The following TNS2 variants were observed in gnomAD, a reference collection of about 807,000 sequenced individuals.
The protein encoded by TNS2 is tensin 2.
In TNS2, 77 loss-of-function variants were observed where a neutral mutation model predicts 155.7. The observed-to-expected ratio is 0.49, with a 90% confidence interval of 0.41 to 0.60. TNS2 has a LOEUF of 0.60. Ranked by LOEUF, TNS2 falls within the 20% of genes least tolerant of loss-of-function variation. The pLI, the probability that TNS2 is intolerant of heterozygous loss-of-function variation, is 0.00. For synonymous variants in TNS2, 726 were observed against 763.9 expected (o/e 0.95, Z 0.82); for missense variants, 1,703 against 1,868.8 (o/e 0.91, Z 1.64).
At position 53,063,492 on chromosome 12, in the gene TNS2, G is replaced by GC. The variant is rs1944449691; in HGVS notation, c.4062-67dup. The GC allele has an allele frequency of 1.1e-5, 12 of 1,095,688 alleles. No homozygotes were observed. The highest frequency in any genetic ancestry group is 1.9e-5 in the Admixed American group (1 of 53,712). The allele number at this position is 1,095,688 out of a possible 1,614,324, so 67.9% of individuals were successfully genotyped here. ...GTCCCAGCTCCCAGCCCCAGCCCCA[G>GC]CCCCGGCCCCGGCCCCCCTTCAGCA... On this transcript the variant is annotated intron_variant, in intron 27 of 28. Transcript: ENST00000314250. This position sits in a 1 kb window ranked among gnomAD's most constrained non-coding sequence, Gnocchi z 5.6.
rs368240079 is a variant in TNS2, at chr12:53,057,729, C to A, written c.959-44C>A. On this transcript the variant is annotated intron_variant, in intron 12 of 28. Transcript: ENST00000314250. ...CTAGGGAGAACCACCTTCAGGCCCT[C>A]TCCACTCAGCACCCCTCCTGTGCCT... is the stretch of plus-strand genomic sequence containing the variant. 1.7e-5 allele frequency: 28 copies of A among 1,613,936 alleles called. 1 individual carries two copies. Among genetic ancestry groups the A allele is most frequent in the Middle Eastern group, 3.3e-4 (2 of 6,084 alleles).
At chr12:53,054,907 C>A (rs1344023513) in intron 7 of TNS2, among the ~76,000 whole-genome samples, 1 of 134,562 alleles carries the variant, frequency 7.4e-6, no homozygotes, top group Non-Finnish European at 1.5e-5. Context: ...GTTGGCCAGG[C>A]TGGTCTCAAG....
rs1382779794 is a variant in TNS2, at chr12:53,051,709, C to T, written c.76-146C>T. 9 of 616,844 alleles carry T rather than the reference C, an allele frequency of 1.5e-5. No individual in the cohort carries two copies. In the East Asian group the frequency reaches 2.5e-4, roughly 17 times the overall value. 38.2% of individuals were successfully genotyped at this position (616,844 alleles called of 1,614,324 possible). On this transcript the variant is annotated intron_variant, in intron 1 of 28. Transcript: ENST00000314250. ...AGGCCCCATGACCGCCCTGAAGCAGCTGTGGCCAAGTGCGTCCTACAAGTT... is the reference window on the plus strand; with the variant it reads ...AGGCCCCATGACCGCCCTGAAGCAGTTGTGGCCAAGTGCGTCCTACAAGTT...
chr12:53,059,107 C>T lies in TNS2; in HGVS notation c.1466C>T (p.Pro489Leu), dbSNP rs1360101680. ...DGSPYAQVQRPPRQTPPAPSP... is the reference protein window; with the variant it reads ...DGSPYAQVQRLPRQTPPAPSP... ...AGTCCTTATGCCCAGGTGCAGCGGC[C>T]TCCCCGGCAGACCCCCCCGGCACCC... The change falls in exon 18 of 29, where the codon CCT (proline) becomes CTT (leucine). Residue 489 changes from proline (P) to leucine (L), a missense_variant. Coordinates refer to ENST00000314250, the MANE Select transcript of TNS2 (RefSeq NM_170754.4). This position sits in a 1 kb window ranked among gnomAD's most constrained non-coding sequence, Gnocchi z 4.7. 14 of 1,550,446 alleles carry T rather than the reference C, an allele frequency of 9.0e-6. No individual in the cohort carries two copies. Among genetic ancestry groups the T allele is most frequent in the Non-Finnish European group, 1.2e-5 (14 of 1,155,934 alleles).
chr12:53,062,380 C>T lies in TNS2; in HGVS notation c.3672C>T (p.Ser1224=), dbSNP rs778648540. 53 of 1,613,868 alleles carry T rather than the reference C, an allele frequency of 3.3e-5. No homozygotes were observed. Among genetic ancestry groups the T allele is most frequent in the Admixed American group, 6.7e-5 (4 of 59,990 alleles). Reference sequence around the variant, plus strand: ...TTCCTACCTCCTCTCCCACAGGCAGCCTGTCCGCCTTGGTCTCCCAGCACT... The same window carrying T: ...TTCCTACCTCCTCTCCCACAGGCAGTCTGTCCGCCTTGGTCTCCCAGCACT... ...KGCPSEPYFG[S]LSALVSQHSI... The change falls in exon 24 of 29, where the codon AGC becomes AGT. Residue 1224 remains serine, a synonymous_variant. Coordinates refer to ENST00000314250, the MANE Select transcript of TNS2 (RefSeq NM_170754.4).
chr12:53,055,972 C>A, intron 10 of TNS2, 127 bp downstream of exon 10: 3 of 951,962 alleles, frequency 3.2e-6, no homozygotes, highest in East Asian at 2.5e-5. Flanking sequence ...TTAGCACTTC[C>A]ACCTCCCTTT....
upstream of TNS2, among the ~76,000 whole-genome samples, chr12:53,048,503 G>A (rs557881238): frequency 2.0e-5 from 3 of 152,320 alleles, no homozygotes; most frequent in Admixed American, 1.3e-4. Context: ...AGGGCTGGGG[G>A]CTCGACAAGG....
chr12:53,049,150 G>A (rs151086994), upstream of TNS2: 23 of 1,562,408 alleles, frequency 1.5e-5, no homozygotes, highest in African/African-American at 2.8e-4. Context: ...GCCCATGGAT[G>A]GGGGTGGAGT....
At chr12:53,047,478 A>AGGGCGCAGGGCGCG (rs1555156193), upstream of TNS2, among the ~76,000 whole-genome samples, 4 of 144,404 alleles carry the variant, frequency 2.8e-5, no homozygotes, top group Non-Finnish European at 6.1e-5. Context: ...GGAGGTCGAG[A>AGGGCGCAGGGCGCG]GGGCGCGGGG....
chr12:53,062,129 A>C, intron 22 of TNS2, 24 bp from the exon 23 acceptor site: 1 of 1,613,532 alleles, frequency 6.2e-7, no homozygotes, highest in Non-Finnish European at 8.5e-7. Flanking sequence ...CTAAAGCCGC[A>C]ATCTTCCCCT....
Position 53,050,106 on chromosome 12 carries a change from C to G in TNS2, c.-80C>G. 1 of 1,562,566 alleles carries G rather than the reference C, an allele frequency of 6.4e-7. No homozygotes were observed. The highest frequency in any genetic ancestry group is 2.4e-5 in the East Asian group (1 of 41,862). On this transcript the variant is annotated 5_prime_UTR_variant, in exon 1 of 29. Transcript: ENST00000314250. The surrounding 1 kb of genome is among the most constrained non-coding windows in gnomAD (Gnocchi z 4.7). ...GCCCAGGGGAAGCGGCTGCCTCCGC[C>G]AGGCCGCTTCCAGGAAGCCCCGGGC...
rs1240125319 is a variant in TNS2 at position 53,059,878 on chromosome 12, A to C, written c.2237A>C (p.His746Pro). The C allele has an allele frequency of 6.2e-7, 1 of 1,612,958 alleles. No individual in the cohort carries two copies. ...CTCTTGCCTGCCTGTGGGCATCACC[A>C]TGCCCCGATGCCTGACTACAGCTGC... ...PLLLPACGHH[H>P]APMPDYSCLK... The change falls in exon 18 of 29, where the codon CAT becomes CCT. Residue 746 changes from histidine (H) to proline (P), a missense_variant. Coordinates refer to ENST00000314250, the MANE Select transcript of TNS2 (RefSeq NM_170754.4). This position sits in a 1 kb window ranked among gnomAD's most constrained non-coding sequence, Gnocchi z 4.7.
rs773610984 is a variant in TNS2, at chr12:53,051,882, C to T, written c.103C>T (p.Arg35Trp). 22 of 1,613,566 alleles carry T rather than the reference C, an allele frequency of 1.4e-5. No individual in the cohort carries two copies. The highest frequency in any genetic ancestry group is 1.7e-5 in the Non-Finnish European group (20 of 1,179,752). ...TAGGAAAGCTGAGCCTCATAGCTTC[C>T]GGGAGAAGGTTTTCCGGAAGAAACC... Reference protein sequence around the residue: ...RPRKAEPHSFREKVFRKKPPV... With the variant: ...RPRKAEPHSFWEKVFRKKPPV... Residue 35 changes from arginine (R) to tryptophan (W), a missense_variant, in exon 2 of 29, where the codon CGG becomes TGG. Arg to Trp is a moderately radical substitution (Grantham distance 101). Transcript: ENST00000314250.
upstream of TNS2, among the ~76,000 whole-genome samples, chr12:53,047,369 C>G (rs1197386062): frequency 4.1e-5 from 6 of 145,786 alleles, no homozygotes; most frequent in African/African-American, 1.5e-4. Flanking sequence ...GGGCGCCCCC[C>G]GCAGGTGAGT....
Position 53,061,050 on chromosome 12 carries a change from G to T in TNS2, c.3144G>T (p.Pro1048=), listed in dbSNP as rs754954729. Reference sequence around the variant, plus strand: ...CCTGGCTTGTGGCCAGCCCAGAGCCGCCTCAGAGCTCACCTACACCTGCTT... The same window carrying T: ...CCTGGCTTGTGGCCAGCCCAGAGCCTCCTCAGAGCTCACCTACACCTGCTT... ...QMPWLVASPE[P]PQSSPTPAFP... is the part of the protein sequence containing the mutation. The change falls in exon 20 of 29, where the codon CCG becomes CCT. Residue 1048 remains proline (P), a synonymous_variant. Coordinates refer to ENST00000314250, the MANE Select transcript of TNS2 (RefSeq NM_170754.4). The T allele has an allele frequency of 7.4e-6, 12 of 1,613,622 alleles. No homozygotes were observed. Among genetic ancestry groups the T allele is most frequent in the Non-Finnish European group, 1.0e-5 (12 of 1,179,858 alleles).
In TNS2 at chr12:53,050,273, A is replaced by G; in HGVS notation, c.75+13A>G. 1 of 1,596,666 alleles carries G rather than the reference A, an allele frequency of 6.3e-7. No individual in the cohort carries two copies. The highest frequency in any genetic ancestry group is 8.5e-7 in the Non-Finnish European group (1 of 1,171,844). The stretch of plus-strand genomic sequence containing the variant: ...GGCCGCAAGCAGGGTAGGAGTGCCC[A>G]CCAGCTGGGCAAAAGAGGGGCAGGG... On this transcript the variant is annotated intron_variant, in intron 1 of 28. Coordinates refer to ENST00000314250, the MANE Select transcript of TNS2 (RefSeq NM_170754.4). The surrounding 1 kb of genome is among the most constrained non-coding windows in gnomAD (Gnocchi z 4.7).
chr12:53,052,128 C>T, intron 2 of TNS2, 165 bp downstream of exon 2: 1 of 637,254 alleles, frequency 1.6e-6, no homozygotes, highest in Non-Finnish European at 2.7e-6. Context: ...GGCCCTGGCT[C>T]CCCATGACAG....
chr12:53,052,277 C>A, intron 2 of TNS2, 178 bp from the exon 3 acceptor site: 1 of 761,310 alleles, frequency 1.3e-6, no homozygotes. Context: ...AGTAGTACCC[C>A]ACTGCCACAC....
At chr12:53,058,521 A>G in intron 15 of TNS2, 51 bp from the exon 16 acceptor site, 1 of 1,613,182 alleles carries the variant, frequency 6.2e-7, no homozygotes, top group Non-Finnish European at 8.5e-7. Context: ...GGCAGGCAGG[A>G]GAGTGTGGTA....
Sources: gnomAD v4.1 joint callset for allele counts (sites outside exome capture counted in the v4.1 genomes callset) on GRCh38, gnomAD v4.1.1 for gene constraint, Gnocchi (gnomAD v3.1) non-coding constraint, MANE v1.5 for transcripts, NCBI Gene and HGNC (gene_info 2026-07-23, HGNC 2026-07-21) for gene names.